TNFSF8: variants seen among roughly 807,000 people sequenced by gnomAD.
TNFSF8 encodes tumor necrosis factor ligand superfamily member 8.
A neutral mutation model predicts 22.0 loss-of-function variants in TNFSF8; 4 were observed. The observed-to-expected ratio is 0.18, with a 90% CI of 0.09 to 0.42. The LOEUF is 0.42. TNFSF8 is among the 10% of genes least tolerant of loss of function. The pLI is 1.00. For synonymous variants in TNFSF8, 106 were observed against 112.5 expected (o/e 0.94, Z 0.37); for missense variants, 233 against 281.8 (o/e 0.83, Z 1.24).
chr9:114,901,223 C>T lies in TNFSF8; in HGVS notation c.*2708G>A. The T allele has an allele frequency of 1.0e-6, 1 of 985,346 alleles. No individual in the cohort carries two copies. Among genetic ancestry groups the T allele is most frequent in the Non-Finnish European group, 1.2e-6 (1 of 829,920 alleles). 61.0% of individuals were successfully genotyped at this position (985,346 alleles called of 1,614,324 possible). On this transcript the variant is annotated 3_prime_UTR_variant, in exon 4 of 4. Transcript: ENST00000223795. Reference sequence around the variant, plus strand: ...GGAGTATCATTTGCTCATAACATTCCCAGGGGCTGGTTAACCCTCAAGAGT... The same window carrying T: ...GGAGTATCATTTGCTCATAACATTCTCAGGGGCTGGTTAACCCTCAAGAGT...
Position 114,930,129 on chromosome 9 carries a change from C to T in TNFSF8, c.175G>A (p.Val59Met), listed in dbSNP as rs1413262942. 1.3e-6 allele frequency: 2 copies of T among 1,567,314 alleles called. No homozygotes were observed. Among genetic ancestry groups the T allele is most frequent in the Non-Finnish European group, 1.7e-6 (2 of 1,157,280 alleles). The change falls in exon 1 of 4, where the codon GTG (valine) becomes ATG (methionine). Residue 59 changes from valine to methionine, a missense_variant. Physicochemically the swap from Val to Met is conservative, Grantham distance 21. Coordinates refer to ENST00000223795, the MANE Select transcript of TNFSF8 (RefSeq NM_001244.4). ...CTTACCGTCCTCTGAACGACCAACA[C>T]CATAATAGTGGCCACCGTGAAGACA... ...CLVFTVATIMVLVVQRTDSIP... is the reference protein window; with the variant it reads ...CLVFTVATIMMLVVQRTDSIP...
chr9:114,903,826 T>G lies in TNFSF8; in HGVS notation c.*105A>C, dbSNP rs963691912. 2 of 1,509,354 alleles carry G rather than the reference T, an allele frequency of 1.3e-6. No individual in the cohort carries two copies. The highest frequency in any genetic ancestry group is 2.7e-5 in the South Asian group (2 of 72,966). 93.5% of individuals were successfully genotyped at this position (1,509,354 alleles called of 1,614,324 possible). A position where few individuals can be genotyped will look rare whatever the true frequency, so the allele number is the denominator to read the frequency against. ...GAGAAGTATACTATTTAATACCCTG[T>G]GTAGTTTGTCTTGGTCTAAAGTTTT... On this transcript the variant is annotated 3_prime_UTR_variant, in exon 4 of 4. Coordinates refer to ENST00000223795, the MANE Select transcript of TNFSF8 (RefSeq NM_001244.4).
intron 1 of TNFSF8, among the ~76,000 whole-genome samples, chr9:114,929,379 G>A (rs562268712): frequency 1.4e-5 from 2 of 139,854 alleles, no homozygotes; most frequent in Non-Finnish European, 3.0e-5. Flanking sequence ...TTTTTGTGAC[G>A]CCCTAACTTC....
At chr9:114,908,819 G>A (rs1425381667) in intron 2 of TNFSF8, among the ~76,000 whole-genome samples, 1 of 152,132 alleles carries the variant, frequency 6.6e-6, no homozygotes, top group African/African-American at 2.4e-5. Flanking sequence ...CTAAAAGCAG[G>A]ACACTAGAGG....
chr9:114,921,026 A>T (rs1827981791), intron 1 of TNFSF8, among the ~76,000 whole-genome samples: 1 of 152,130 alleles, frequency 6.6e-6, no homozygotes, highest in South Asian at 2.1e-4. Flanking sequence ...CCCACAGAAC[A>T]CTTTGAATAG....
At chr9:114,928,612 C>T (rs959400654) in intron 1 of TNFSF8, among the ~76,000 whole-genome samples, 10 of 152,070 alleles carry the variant, frequency 6.6e-5, no homozygotes, top group African/African-American at 2.4e-4. Context: ...TTGGCCATTG[C>T]TATAAAATGA....
downstream of TNFSF8, among the ~76,000 whole-genome samples, chr9:114,896,850 T>C (rs1314432861): frequency 6.6e-6 from 1 of 152,158 alleles, no homozygotes; most frequent in East Asian, 1.9e-4. Flanking sequence ...TTCTAAAAAT[T>C]TCACCTTTCT....
At chr9:114,918,195 T>A in intron 1 of TNFSF8, 57 bp from the exon 2 acceptor site, 2 of 1,498,778 alleles carry the variant, frequency 1.3e-6, no homozygotes, top group Non-Finnish European at 1.8e-6. Context: ...TGAAACAACT[T>A]TTTTTTTTCT....
At chr9:114,928,190 T>TA (rs1017667109) in intron 1 of TNFSF8, among the ~76,000 whole-genome samples, 40 of 152,138 alleles carry the variant, frequency 2.6e-4, no homozygotes, top group African/African-American at 8.9e-4. Context: ...ACATGAGGGG[T>TA]AAGTCAAGGA....
At chr9:114,929,889 AT>A (rs1167329691) in intron 1 of TNFSF8, among the ~76,000 whole-genome samples, 43 of 145,250 alleles carry the variant, frequency 3.0e-4, no homozygotes, top group Non-Finnish European at 4.3e-4. Context: ...ATATATATAT[AT>A]ATAATATATA....
chr9:114,902,585 C>T lies in TNFSF8; in HGVS notation c.*1346G>A. 1 of 985,396 alleles carries T rather than the reference C, an allele frequency of 1.0e-6. No individual in the cohort carries two copies. Among genetic ancestry groups the T allele is most frequent in the Non-Finnish European group, 1.2e-6 (1 of 829,938 alleles). The allele number at this position is 985,396 out of a possible 1,614,324, so 61.0% of individuals were successfully genotyped here. A position where few individuals can be genotyped will look rare whatever the true frequency, so the allele number is the denominator to read the frequency against. ...ATCCTTGAGATCCTGCTGTTCACAC[C>T]ATTCAGCAGGGCACCCTGAACCTTG... On this transcript the variant is annotated 3_prime_UTR_variant, in exon 4 of 4. Coordinates refer to ENST00000223795, the MANE Select transcript of TNFSF8 (RefSeq NM_001244.4).
At chr9:114,908,923 C>A (rs1221986149) in intron 2 of TNFSF8, among the ~76,000 whole-genome samples, 7 of 152,084 alleles carry the variant, frequency 4.6e-5, no homozygotes, top group African/African-American at 7.2e-5. Context: ...GTCGGCACAC[C>A]GTGGGGCCCA....
chr9:114,897,378 C>G (rs1391863453), downstream of TNFSF8, among the ~76,000 whole-genome samples: 1 of 151,926 alleles, frequency 6.6e-6, no homozygotes, highest in Admixed American at 6.6e-5. Flanking sequence ...GAATGGCCAT[C>G]TACTATGTCC....
chr9:114,893,578 T>A (rs1234794940), exon 5 of TNFSF8: 1 of 164,362 alleles, frequency 6.1e-6, no homozygotes, highest in African/African-American at 2.4e-5. Flanking sequence ...ATTCATTTAA[T>A]CTTTCATTTA....
In TNFSF8 at chr9:114,921,635, G is replaced by A. The variant is rs907209124; in HGVS notation, c.196-3497C>T. 3.9e-5 allele frequency among the ~76,000 whole-genome samples: 6 copies of A among 152,288 alleles called. No individual in the cohort carries two copies. The East Asian group carries it at 1.2e-3, about 29-fold the overall frequency. ...AGTGTTGTTCACCAACTCCTCTTTG[G>A]CAAGATGTCCCCCAGTCCTAGAATT... On this transcript the variant is annotated intron_variant, in intron 1 of 3. Coordinates refer to ENST00000223795, the MANE Select transcript of TNFSF8 (RefSeq NM_001244.4).
intron 2 of TNFSF8, among the ~76,000 whole-genome samples, chr9:114,916,905 T>C (rs763718509): frequency 6.6e-6 from 1 of 152,224 alleles, no homozygotes; most frequent in Non-Finnish European, 1.5e-5. Flanking sequence ...TTAATATTAA[T>C]GTGACTGTTT....
At chr9:114,910,762 C>A (rs746859345) in intron 2 of TNFSF8, among the ~76,000 whole-genome samples, 2 of 152,182 alleles carry the variant, frequency 1.3e-5, no homozygotes, top group Non-Finnish European at 2.9e-5. Flanking sequence ...GCAAAACAGA[C>A]CAAGCCAACC....
At position 114,901,681 on chromosome 9, in the gene TNFSF8, GTTT is replaced by G. The variant is rs1475528732; in HGVS notation, c.*2247_*2249del. 9.1e-6 allele frequency: 9 copies of G among 985,230 alleles called. No individual in the cohort carries two copies. Among genetic ancestry groups the G allele is most frequent in the Admixed American group, 6.2e-5 (1 of 16,248 alleles). 61.0% of individuals were successfully genotyped at this position (985,230 alleles called of 1,614,324 possible). A position where few individuals can be genotyped will look rare whatever the true frequency, so the allele number is the denominator to read the frequency against. On this transcript the variant is annotated 3_prime_UTR_variant, in exon 4 of 4. Transcript: ENST00000223795. ...AGCCTTGAGTCTCAAAGTCTGTTTT[GTTT>G]TTTACCACAGACCATTTGGCTTGCT...
chr9:114,895,040 A>G (rs1827642920), intron 4 of TNFSF8, among the ~76,000 whole-genome samples: 1 of 152,242 alleles, frequency 6.6e-6, no homozygotes, highest in Non-Finnish European at 1.5e-5. Flanking sequence ...AGGTTAGGTC[A>G]TCTGCGTCCC....
Sources: allele counts gnomAD v4.1 joint callset (sites outside exome capture counted in the v4.1 genomes callset), GRCh38; gene constraint gnomAD v4.1.1; transcripts MANE v1.5; gene names NCBI Gene and HGNC (gene_info 2026-07-23, HGNC 2026-07-21).